SLC25A28: variants seen among roughly 807,000 people sequenced by gnomAD.
SLC25A28 encodes the protein solute carrier family 25 member 28.
A neutral mutation model predicts 31.9 loss-of-function variants in SLC25A28; 10 were observed. That is an observed-to-expected ratio of 0.31 (90% confidence interval 0.19 to 0.53). The LOEUF is 0.53. Ranked by LOEUF, SLC25A28 falls within the 20% of genes least tolerant of loss-of-function variation. The pLI is 0.95. For synonymous variants in SLC25A28, 208 were observed against 203.6 expected (o/e 1.02, Z -0.19); for missense variants, 256 against 490.3 (o/e 0.52, Z 4.51).
At chr10:99,615,546 G>C (rs2034630761) in intron 1 of SLC25A28, 1 of 985,302 alleles carries the variant, frequency 1.0e-6, no homozygotes, top group Non-Finnish European at 1.2e-6. Context: ...AGCTTAAAAG[G>C]TTAGTTACTG....
At chr10:99,633,316 T>G in the SLC25A28 span, among the ~76,000 whole-genome samples, 1 of 152,212 alleles carries the variant, frequency 6.6e-6, no homozygotes, top group African/African-American at 2.4e-5. Context: ...ATTTCTTCAT[T>G]GCCTTCTTTT....
chr10:99,650,218 C>T, the SLC25A28 span, among the ~76,000 whole-genome samples: 65,495 of 151,962 alleles, frequency 0.43, 14,596 homozygotes, highest in Middle Eastern at 0.64. Context: ...CATTCTGTCA[C>T]CCAGGCTGGA....
At chr10:99,622,538 C>G, upstream of SLC25A28, 1 of 561,612 alleles carries the variant, frequency 1.8e-6, no homozygotes, top group Non-Finnish European at 2.3e-6. Flanking sequence ...ATTTTTCACT[C>G]TTTTATTCAT....
At chr10:99,638,835 G>C in the SLC25A28 span, among the ~76,000 whole-genome samples, 2 of 152,310 alleles carry the variant, frequency 1.3e-5, no homozygotes, top group South Asian at 4.1e-4. Flanking sequence ...TACACTGCTT[G>C]ATGGGAACGT....
At chr10:99,657,401 T>G in the SLC25A28 span, among the ~76,000 whole-genome samples, 1,867 of 152,304 alleles carry the variant, frequency 0.012, 47 homozygotes, top group African/African-American at 0.043. Flanking sequence ...TGTATAATGT[T>G]GTGGTTAATC....
intron 2 of SLC25A28, 58 bp from the exon 3 acceptor site, chr10:99,612,657 A>G: frequency 1.3e-6 from 2 of 1,578,840 alleles, no homozygotes; most frequent in Non-Finnish European, 1.7e-6. Flanking sequence ...CAACTCATTG[A>G]GGTCCCCCAG....
chr10:99,637,093 C>T, the SLC25A28 span, among the ~76,000 whole-genome samples: 1 of 152,108 alleles, frequency 6.6e-6, no homozygotes, highest in Non-Finnish European at 1.5e-5. Context: ...TAATACACCA[C>T]GAGCAAGTGG....
the SLC25A28 span, among the ~76,000 whole-genome samples, chr10:99,643,448 C>A: frequency 6.6e-6 from 1 of 152,018 alleles, no homozygotes; most frequent in East Asian, 1.9e-4. Flanking sequence ...CTATTTGATT[C>A]TTCTCTCTTT....
chr10:99,625,197 G>A (rs1295978797), upstream of SLC25A28, among the ~76,000 whole-genome samples: 1 of 60,492 alleles, frequency 1.7e-5, no homozygotes, highest in African/African-American at 5.9e-5. Context: ...CAAAGAGTGA[G>A]CACCAGCAAG....
intron 1 of SLC25A28, chr10:99,616,891 A>G (rs564671903): frequency 7.3e-5 from 68 of 936,542 alleles, no homozygotes; most frequent in Non-Finnish European, 8.5e-5. Flanking sequence ...AAATGAATAA[A>G]TGTATGTAAG....
chr10:99,629,473 C>A, the SLC25A28 span, among the ~76,000 whole-genome samples: 1 of 152,200 alleles, frequency 6.6e-6, no homozygotes, highest in South Asian at 2.1e-4. Context: ...CAAGTACGTG[C>A]ATGTTCACAG....
Position 99,619,240 on chromosome 10 carries a change from A to G in SLC25A28, c.291+805T>C, listed in dbSNP as rs968264523. 7 of 985,284 alleles carry G rather than the reference A, an allele frequency of 7.1e-6. No homozygotes were observed. In the Admixed American group the frequency reaches 1.8e-4, roughly 26 times the overall value. 61.0% of individuals were successfully genotyped at this position (985,284 alleles called of 1,614,324 possible). ...ATCTCTTTCCATTTTCTTCATACTT[A>G]CATCTACTTTCTAATACCGTCACAC... On this transcript the variant is annotated intron_variant, in intron 1 of 3. Transcript: ENST00000370495.
intron 1 of SLC25A28, chr10:99,615,416 T>C: frequency 3.1e-6 from 3 of 974,554 alleles, no homozygotes; most frequent in Non-Finnish European, 3.6e-6. Flanking sequence ...CCAAGAGTAA[T>C]ACCTTTCCTC....
At chr10:99,643,635 C>T in the SLC25A28 span, among the ~76,000 whole-genome samples, 4 of 152,112 alleles carry the variant, frequency 2.6e-5, no homozygotes, top group Admixed American at 6.5e-5. Flanking sequence ...TCTTGCTTCT[C>T]TAGTTCTTTT....
chr10:99,614,194 T>A (rs11814074), intron 1 of SLC25A28, among the ~76,000 whole-genome samples: 56 of 152,174 alleles, frequency 3.7e-4, no homozygotes, highest in African/African-American at 1.2e-3. Flanking sequence ...CCAAAATGAT[T>A]CAGAGCCCCA....
At chr10:99,623,631 G>A (rs1207429669), upstream of SLC25A28, among the ~76,000 whole-genome samples, 1 of 152,154 alleles carries the variant, frequency 6.6e-6, no homozygotes, top group African/African-American at 2.4e-5. Context: ...CCTCCTTCCA[G>A]GTACACAGTA....
chr10:99,657,944 G>A, the SLC25A28 span, among the ~76,000 whole-genome samples: 1 of 152,082 alleles, frequency 6.6e-6, no homozygotes, highest in East Asian at 1.9e-4. Flanking sequence ...CCAGCACTTT[G>A]GGAGGCTGAG....
At chr10:99,615,849 C>T (rs960512035) in intron 1 of SLC25A28, 38 of 985,274 alleles carry the variant, frequency 3.9e-5, no homozygotes, top group Middle Eastern at 5.2e-4. Flanking sequence ...AATTGCATTG[C>T]TCTGCTGCAG....
At chr10:99,649,041 G>C in the SLC25A28 span, among the ~76,000 whole-genome samples, 2 of 152,122 alleles carry the variant, frequency 1.3e-5, no homozygotes, top group Non-Finnish European at 2.9e-5. Flanking sequence ...GTTCCAGTTA[G>C]AGGAAATGCT....
Sources: gnomAD v4.1 joint callset for allele counts (sites outside exome capture counted in the v4.1 genomes callset) on GRCh38, gnomAD v4.1.1 for gene constraint, MANE v1.5 for transcripts, NCBI Gene and HGNC (gene_info 2026-07-23, HGNC 2026-07-21) for gene names.